RNF216: variants seen among roughly 807,000 people sequenced by gnomAD.
RNF216 encodes ring finger protein 216, also known as E3 ubiquitin-protein ligase RNF216.
Under a neutral mutation model 110.8 loss-of-function variants are expected in RNF216, and 72 were observed. The observed-to-expected ratio is 0.65, with a 90% CI of 0.54 to 0.79. RNF216 has a LOEUF of 0.79. Ranked by LOEUF, RNF216 falls within the 30% of genes least tolerant of loss-of-function variation. The pLI is 0.00. For missense variants in RNF216, 1,342 were observed against 1,141.2 expected, an observed-to-expected ratio of 1.18 and a Z score of -2.54; for synonymous variants, 495 against 407.5, an observed-to-expected ratio of 1.21 and a Z score of -2.59.
At chr7:5,673,162 A>G (rs549673618) in intron 13 of RNF216, among the ~76,000 whole-genome samples, 26 of 152,300 alleles carry the variant, frequency 1.7e-4, no homozygotes, top group African/African-American at 6.0e-4. Context: ...ACCTGCGGGC[A>G]GTACCGCACT....
chr7:5,639,445 C>T (rs1787597993), intron 15 of RNF216, among the ~76,000 whole-genome samples: 2 of 152,120 alleles, frequency 1.3e-5, no homozygotes, highest in African/African-American at 4.8e-5. Context: ...GGATTACACC[C>T]ATGAGCCACC....
At chr7:5,685,258 C>A (rs970821075) in intron 13 of RNF216, among the ~76,000 whole-genome samples, 1 of 152,168 alleles carries the variant, frequency 6.6e-6, no homozygotes, top group East Asian at 1.9e-4. Flanking sequence ...ACGAACAAAA[C>A]CATCTCCTCC....
intron 1 of RNF216, among the ~76,000 whole-genome samples, chr7:5,769,838 A>G (rs1367430090): frequency 6.7e-6 from 1 of 148,418 alleles, no homozygotes; most frequent in Non-Finnish European, 1.5e-5. Flanking sequence ...GGAGTTTGAG[A>G]CCAGCCTGGC....
intron 13 of RNF216, among the ~76,000 whole-genome samples, chr7:5,694,715 A>G (rs974683117): frequency 1.3e-5 from 2 of 152,172 alleles, no homozygotes; most frequent in Admixed American, 1.3e-4. Flanking sequence ...CAGCCTATGG[A>G]AAGTACATTC....
intron 3 of RNF216, among the ~76,000 whole-genome samples, chr7:5,752,213 A>C (rs1795369957): frequency 6.6e-6 from 1 of 152,090 alleles, no homozygotes; most frequent in South Asian, 2.1e-4. Context: ...AAGTACAATG[A>C]AAGAAAAGAT....
chr7:5,741,291 G>A lies in RNF216; in HGVS notation c.726C>T (p.Pro242=). 6.2e-7 allele frequency: 1 copy of A among 1,614,006 alleles called. No individual in the cohort carries two copies. Among genetic ancestry groups the A allele is most frequent in the Non-Finnish European group, 8.5e-7 (1 of 1,179,912 alleles). ...GAACGACCTGGTTTGTTATTTCACG[G>A]GGCTGTTGGTTCAGAGACTGGAAGT... ...HPYFQSLNQQ[P]REITNQVVPQ... is the part of the protein sequence containing the mutation. Residue 242 remains proline (P), a synonymous_variant, in exon 4 of 17, where the codon CCC becomes CCT. Transcript: ENST00000389902.
intron 2 of RNF216, among the ~76,000 whole-genome samples, chr7:5,753,727 T>G (rs1322902987): frequency 2.0e-5 from 3 of 152,216 alleles, no homozygotes; most frequent in Non-Finnish European, 4.4e-5. Context: ...CCGGGAGCAG[T>G]GGCTCACGCC....
At chr7:5,665,932 G>A (rs572856497) in intron 13 of RNF216, among the ~76,000 whole-genome samples, 35 of 152,256 alleles carry the variant, frequency 2.3e-4, no homozygotes, top group African/African-American at 5.1e-4. Context: ...TTGGGAGGCC[G>A]AGACAGGCGG....
chr7:5,746,550 G>C (rs898460868), intron 3 of RNF216, among the ~76,000 whole-genome samples: 1 of 152,190 alleles, frequency 6.6e-6, no homozygotes, highest in African/African-American at 2.4e-5. Context: ...GCAGGCTTAG[G>C]TGAGGGAGGC....
intron 15 of RNF216, among the ~76,000 whole-genome samples, chr7:5,633,734 T>C (rs1051591360): frequency 2.0e-5 from 3 of 152,160 alleles, no homozygotes; most frequent in Admixed American, 2.0e-4. Flanking sequence ...GCCTGCTGCA[T>C]GCAGGTAGGG....
chr7:5,749,232 C>T (rs1028122529), intron 3 of RNF216, among the ~76,000 whole-genome samples: 4 of 151,284 alleles, frequency 2.6e-5, no homozygotes, highest in African/African-American at 9.7e-5. Flanking sequence ...CTCACTGCAA[C>T]CTCCATCTCC....
At chr7:5,761,236 A>G in intron 1 of RNF216, 98 bp from the exon 2 acceptor site, 1 of 454,684 alleles carries the variant, frequency 2.2e-6, no homozygotes, top group Non-Finnish European at 3.8e-6. Context: ...TGCTGAAAAC[A>G]TTCCTTAAGA....
intron 2 of RNF216, among the ~76,000 whole-genome samples, chr7:5,753,731 T>A (rs1002517849): frequency 6.6e-6 from 1 of 152,232 alleles, no homozygotes; most frequent in Non-Finnish European, 1.5e-5. Flanking sequence ...GAGCAGTGGC[T>A]CACGCCTGTA....
At chr7:5,689,181 C>T (rs1013751785) in intron 13 of RNF216, among the ~76,000 whole-genome samples, 1 of 151,782 alleles carries the variant, frequency 6.6e-6, no homozygotes, top group South Asian at 2.1e-4. Flanking sequence ...TGGAGTGCAG[C>T]GCTAAGGGTC....
At chr7:5,712,028 A>G (rs1032476447) in intron 12 of RNF216, 189 bp from the exon 13 acceptor site, 25 of 586,428 alleles carry the variant, frequency 4.3e-5, no homozygotes, top group Non-Finnish European at 7.0e-5. Flanking sequence ...AGGAAACATA[A>G]GCACCACATG....
intron 12 of RNF216, 64 bp downstream of exon 12, chr7:5,712,651 G>C (rs974880668): frequency 1.3e-6 from 2 of 1,515,758 alleles, no homozygotes; most frequent in Admixed American, 3.6e-5. Context: ...TCTGATGCAA[G>C]TGCCCAGGTA....
At chr7:5,723,867 T>C (rs1272547419) in intron 8 of RNF216, among the ~76,000 whole-genome samples, 4 of 152,070 alleles carry the variant, frequency 2.6e-5, no homozygotes, top group Non-Finnish European at 5.9e-5. Context: ...TGTGTCCTTA[T>C]AAAAAGCTGT....
intron 13 of RNF216, among the ~76,000 whole-genome samples, chr7:5,688,431 G>A (rs1444437932): frequency 1.3e-5 from 2 of 152,120 alleles, no homozygotes; most frequent in African/African-American, 4.8e-5. Context: ...TTAAATGTTC[G>A]TATCTCTGTT....
chr7:5,735,024 T>C (rs1435791954), intron 5 of RNF216, among the ~76,000 whole-genome samples: 1 of 151,484 alleles, frequency 6.6e-6, no homozygotes, highest in African/African-American at 2.4e-5. Flanking sequence ...TGGGCACCTG[T>C]AATCCAAGCT....
Sources: allele counts gnomAD v4.1 joint callset (sites outside exome capture counted in the v4.1 genomes callset), GRCh38; gene constraint gnomAD v4.1.1; transcripts MANE v1.5; gene names NCBI Gene and HGNC (gene_info 2026-07-23, HGNC 2026-07-21).